Variants in CAPN2 observed in about 807,000 individuals in gnomAD.
CAPN2 encodes calpain-2 catalytic subunit.
In CAPN2, 92 loss-of-function variants were observed where a neutral mutation model predicts 102.3. The ratio of observed to expected loss-of-function variants is 0.90; its 90% CI spans 0.76 to 1.07. CAPN2 has a LOEUF of 1.07. Ranked by LOEUF, CAPN2 falls within the 50% of genes least tolerant of loss-of-function variation. The pLI is 0.00. For synonymous variants in CAPN2, 340 were observed against 355.4 expected, an observed-to-expected ratio of 0.96 and a Z score of 0.49; for missense variants, 800 against 909.4, an observed-to-expected ratio of 0.88 and a Z score of 1.55.
chr1:223,710,895 T>C (rs1031347065), upstream of CAPN2, among the ~76,000 whole-genome samples: 6 of 149,114 alleles, frequency 4.0e-5, no homozygotes, highest in Non-Finnish European at 5.9e-5. Flanking sequence ...ACTTGACTGA[T>C]GGCTCTTGCC....
chr1:223,733,944 G>A (rs1463573683), intron 2 of CAPN2, among the ~76,000 whole-genome samples: 2 of 152,212 alleles, frequency 1.3e-5, no homozygotes, highest in Non-Finnish European at 2.9e-5. Flanking sequence ...CAGCCCAGGG[G>A]TGCAGGGAGA....
In CAPN2 at chr1:223,772,242, G is replaced by C; in HGVS notation, c.2079+3G>C. 6.2e-7 allele frequency: 1 copy of C among 1,613,672 alleles called. No homozygotes were observed. ...CAATAGAGCTCGACCTTATCTCTGT[G>C]AGTCAGCAGGCCCCGCCTTGCTTCT... is the stretch of plus-strand genomic sequence containing the variant. On this transcript the variant is annotated splice_donor_region_variant and intron_variant, in intron 20 of 20. Transcript: ENST00000295006.
chr1:223,772,022 C>G (rs1048108635), intron 19 of CAPN2, 97 bp downstream of exon 19: 17 of 1,119,738 alleles, frequency 1.5e-5, no homozygotes, highest in South Asian at 8.9e-5. Flanking sequence ...AGAGACATGT[C>G]TTCCAGGAGT....
At position 223,774,865 on chromosome 1, in the gene CAPN2, ACTAATCTGC is replaced by A; in HGVS notation, c.*11_*19del. The A allele has an allele frequency of 6.2e-7, 1 of 1,612,720 alleles. No individual in the cohort carries two copies. The highest frequency in any genetic ancestry group is 8.5e-7 in the Non-Finnish European group (1 of 1,179,130). On this transcript the variant is annotated 3_prime_UTR_variant, in exon 21 of 21. Coordinates refer to ENST00000295006, the MANE Select transcript of CAPN2 (RefSeq NM_001748.5). ...TGTTTCTCAGTACTTTGAAGTTATA[ACTAATCTGC>A]CTGAAGACTTCTCATGATGGAAAAT... is the stretch of plus-strand genomic sequence containing the variant.
intron 16 of CAPN2, among the ~76,000 whole-genome samples, chr1:223,768,634 T>C (rs1661396481): frequency 6.6e-6 from 1 of 151,598 alleles, no homozygotes; most frequent in Non-Finnish European, 1.5e-5. Flanking sequence ...GCCTCCAGCT[T>C]TGTTCTTTTG....
intron 19 of CAPN2, 38 bp downstream of exon 19, chr1:223,771,963 C>T: frequency 6.9e-7 from 1 of 1,450,498 alleles, no homozygotes; most frequent in Non-Finnish European, 9.7e-7. Context: ...TTTCAGTTCT[C>T]TTGGTATTAA....
At chr1:223,720,132 G>A (rs1479888800) in intron 2 of CAPN2, among the ~76,000 whole-genome samples, 3 of 152,076 alleles carry the variant, frequency 2.0e-5, no homozygotes, top group African/African-American at 7.2e-5. Flanking sequence ...CTTCCATCTG[G>A]AACCTCCGTC....
intron 20 of CAPN2, 119 bp downstream of exon 20, chr1:223,772,358 G>A: frequency 1.3e-6 from 1 of 774,898 alleles, no homozygotes; most frequent in South Asian, 1.6e-5. Flanking sequence ...TGGTCTGTCG[G>A]GGCCAGGCCT....
intron 9 of CAPN2, 41 bp downstream of exon 9, chr1:223,752,997 C>A: frequency 6.3e-7 from 1 of 1,597,588 alleles, no homozygotes; most frequent in Non-Finnish European, 8.6e-7. Context: ...AATGCGGGGC[C>A]ACCAAAGGCC....
intron 20 of CAPN2, 126 bp from the exon 21 acceptor site, chr1:223,774,708 C>T (rs750749475): frequency 5.2e-6 from 4 of 773,076 alleles, no homozygotes; most frequent in Non-Finnish European, 9.0e-6. Context: ...TGAGTTAGTG[C>T]ACTGATATTG....
At chr1:223,741,283 C>G (rs1177016867) in intron 2 of CAPN2, among the ~76,000 whole-genome samples, 1 of 151,054 alleles carries the variant, frequency 6.6e-6, no homozygotes, top group Admixed American at 6.6e-5. Context: ...GTGAAGGAAC[C>G]AGAAGCAAAA....
At chr1:223,702,721 C>A (rs949679820) in intron 1 of CAPN2, among the ~76,000 whole-genome samples, 8 of 152,144 alleles carry the variant, frequency 5.3e-5, no homozygotes, top group African/African-American at 1.9e-4. Context: ...TTCCCCCAAG[C>A]ACTGCTACAT....
chr1:223,746,973 G>A, intron 4 of CAPN2, 24 bp from the exon 5 acceptor site: 3 of 1,602,038 alleles, frequency 1.9e-6, no homozygotes, highest in Non-Finnish European at 1.7e-6. Flanking sequence ...AAGGGTAGCG[G>A]CAGCGTCTAA....
intron 7 of CAPN2, among the ~76,000 whole-genome samples, chr1:223,751,777 G>T (rs1003322701): frequency 1.3e-5 from 2 of 152,132 alleles, no homozygotes; most frequent in African/African-American, 4.8e-5. Flanking sequence ...CAACTCACCC[G>T]CTCACTTTGC....
At chr1:223,769,438 T>G (rs530574962) in intron 16 of CAPN2, among the ~76,000 whole-genome samples, 4 of 152,194 alleles carry the variant, frequency 2.6e-5, no homozygotes, top group Non-Finnish European at 5.9e-5. Context: ...TGAAGTTTTA[T>G]CTAGTGGATT....
chr1:223,711,664 G>A (rs918213572), upstream of CAPN2, among the ~76,000 whole-genome samples: 3 of 152,158 alleles, frequency 2.0e-5, no homozygotes, highest in Admixed American at 6.5e-5. Flanking sequence ...AGGCTGGAGC[G>A]CAGTGGCGCG....
chr1:223,752,188 G>C (rs757345196), intron 8 of CAPN2, 117 bp downstream of exon 8: 2 of 688,694 alleles, frequency 2.9e-6, no homozygotes, highest in Non-Finnish European at 5.1e-6. Context: ...GGACACAAGC[G>C]TGTGGGATCC....
rs1200313638 is a variant in CAPN2, at chr1:223,756,549, C to T, written c.1306-820C>T. 6.6e-6 allele frequency among the ~76,000 whole-genome samples: 1 copy of T among 152,114 alleles called. No homozygotes were observed. Among genetic ancestry groups the T allele is most frequent in the Non-Finnish European group, 1.5e-5 (1 of 68,034 alleles). On this transcript the variant is annotated intron_variant, in intron 10 of 20. Transcript: ENST00000295006. The surrounding 1 kb of genome is among the most constrained non-coding windows in gnomAD (Gnocchi z 4.1). ...GGCAAATAGTACAAATCAGAGCTTC[C>T]ACCCTCTCCCAAGAGCCAGTTTCCC...
rs746974165 is a variant in CAPN2 at position 223,717,769 on chromosome 1, G to C, written c.245G>C (p.Cys82Ser). ...GIEWKRPTEI[C>S]ADPQFIIGGA... ...TGTGGGTCTCGTTCCCAGGAGATCT[G>C]CGCTGACCCCCAGTTTATCATTGGA... is the stretch of plus-strand genomic sequence containing the variant. Residue 82 changes from cysteine to serine, a missense_variant, in exon 2 of 21, where the codon TGC (cysteine) becomes TCC (serine). Cys to Ser is a moderately radical substitution (Grantham distance 112). Coordinates refer to ENST00000295006, the MANE Select transcript of CAPN2 (RefSeq NM_001748.5). 1.9e-6 allele frequency: 3 copies of C among 1,613,948 alleles called. No homozygotes were observed. Among genetic ancestry groups the C allele is most frequent in the Non-Finnish European group, 2.5e-6 (3 of 1,179,936 alleles).
Sources: gnomAD v4.1 joint callset for allele counts (sites outside exome capture counted in the v4.1 genomes callset) on GRCh38, gnomAD v4.1.1 for gene constraint, Gnocchi (gnomAD v3.1) non-coding constraint, MANE v1.5 for transcripts, NCBI Gene and HGNC (gene_info 2026-07-23, HGNC 2026-07-21) for gene names.